Variants in TNIK observed in about 807,000 individuals in gnomAD.
TNIK encodes the protein TRAF2 and NCK-interacting protein kinase.
A neutral mutation model predicts 191.3 loss-of-function variants in TNIK; 49 were observed. The ratio of observed to expected loss-of-function variants is 0.26; its 90% CI spans 0.20 to 0.32. The LOEUF is 0.32. TNIK is among the 10% of genes least tolerant of loss of function. TNIK has a pLI of 1.00. For missense variants in TNIK, 1,155 were observed against 1,702.3 expected, an observed-to-expected ratio of 0.68 and a Z score of 5.66; for synonymous variants, 594 against 600.9, an observed-to-expected ratio of 0.99 and a Z score of 0.17.
intron 1 of TNIK, among the ~76,000 whole-genome samples, chr3:171,429,043 T>G (rs1725009491): frequency 1.3e-5 from 2 of 152,298 alleles, no homozygotes; most frequent in South Asian, 4.1e-4. Context: ...AGTACTGTAT[T>G]CCTATATTTA....
intron 1 of TNIK, 116 bp downstream of exon 1, chr3:171,459,891 C>T: frequency 1.5e-6 from 2 of 1,303,776 alleles, no homozygotes; most frequent in East Asian, 2.5e-5. Context: ...GGTTCCCTCC[C>T]CGACGCATTC....
In TNIK at chr3:171,062,964, G is replaced by A. The variant is rs1560058747; in HGVS notation, c.*917C>T. 1 of 152,164 alleles carries A rather than the reference G, an allele frequency of 6.6e-6. No individual in the cohort carries two copies. The highest frequency in any genetic ancestry group is 2.4e-5 in the African/African-American group (1 of 41,438). 9.4% of individuals were successfully genotyped at this position (152,164 alleles called of 1,614,324 possible). ...CTTTGTGCATTTTAAAAAAGACTATGTAAGCTTGTTTCCCAGAAGCTCTTT... is the reference window on the plus strand; with the variant it reads ...CTTTGTGCATTTTAAAAAAGACTATATAAGCTTGTTTCCCAGAAGCTCTTT... On this transcript the variant is annotated 3_prime_UTR_variant, in exon 33 of 33. Transcript: ENST00000436636.
chr3:171,206,909 T>G (rs1189320008), intron 4 of TNIK, among the ~76,000 whole-genome samples: 1 of 152,154 alleles, frequency 6.6e-6, no homozygotes, highest in African/African-American at 2.4e-5. Flanking sequence ...AACCAACTTT[T>G]CTATCTGGCC....
rs556791157 is a variant in TNIK at position 171,061,564 on chromosome 3, T to A, written c.*2317A>T. ...CCAAAATCCCACAATAAAAAAATCA[T>A]TTAAAGCTGTGTGTTTCAAACTTAT... On this transcript the variant is annotated 3_prime_UTR_variant, in exon 33 of 33. Transcript: ENST00000436636. 2 of 152,322 alleles carry A rather than the reference T, an allele frequency of 1.3e-5. No homozygotes were observed. Among genetic ancestry groups the A allele is most frequent in the South Asian group, 4.1e-4 (2 of 4,828 alleles). The allele number at this position is 152,322 out of a possible 1,614,324, so 9.4% of individuals were successfully genotyped here. A position where few individuals can be genotyped will look rare whatever the true frequency, so the allele number is the denominator to read the frequency against.
intron 3 of TNIK, among the ~76,000 whole-genome samples, chr3:171,218,787 C>A (rs1285139916): frequency 7.1e-6 from 1 of 140,656 alleles, no homozygotes; most frequent in South Asian, 2.2e-4. Flanking sequence ...ATATGCATAT[C>A]ATTTACATAT....
At chr3:171,129,667 A>C (rs1728982309) in intron 15 of TNIK, among the ~76,000 whole-genome samples, 1 of 151,732 alleles carries the variant, frequency 6.6e-6, no homozygotes, top group South Asian at 2.1e-4. Context: ...TTTCCTTGTC[A>C]TTCCCTTTCT....
chr3:171,416,339 G>A (rs981587791), intron 1 of TNIK, among the ~76,000 whole-genome samples: 3 of 151,972 alleles, frequency 2.0e-5, no homozygotes, highest in African/African-American at 7.3e-5. Flanking sequence ...TAATCATGAG[G>A]AAATCATCAC....
chr3:171,158,919 A>G (rs2108723601), intron 11 of TNIK, among the ~76,000 whole-genome samples: 1 of 152,218 alleles, frequency 6.6e-6, no homozygotes, highest in East Asian at 1.9e-4. Flanking sequence ...CTGAGAGGAA[A>G]ACAGGGGTGC....
At chr3:171,330,624 C>T (rs1253251377) in intron 2 of TNIK, among the ~76,000 whole-genome samples, 1 of 152,066 alleles carries the variant, frequency 6.6e-6, no homozygotes, top group African/African-American at 2.4e-5. Flanking sequence ...GGTATAGGGG[C>T]ATTTTATTGT....
chr3:171,369,532 C>A, intron 2 of TNIK, 88 bp downstream of exon 2: 2 of 944,868 alleles, frequency 2.1e-6, no homozygotes, highest in Non-Finnish European at 3.1e-6. Context: ...TGTTAGGAGC[C>A]ATTTATGAGC....
chr3:171,228,226 G>A lies in TNIK; in HGVS notation c.124-5C>T, dbSNP rs2108988409. The A allele has an allele frequency of 6.2e-7, 1 of 1,613,330 alleles. No individual in the cohort carries two copies. Among genetic ancestry groups the A allele is most frequent in the Non-Finnish European group, 8.5e-7 (1 of 1,179,504 alleles). ...GCCCGTTTTGACATGACGACCCTGT[G>A]AAGAAAAAATAATAACAAAAGATTT... is the stretch of plus-strand genomic sequence containing the variant. On this transcript the variant is annotated splice_polypyrimidine_tract_variant and splice_region_variant and intron_variant, in intron 2 of 32. Coordinates refer to ENST00000436636, the MANE Select transcript of TNIK (RefSeq NM_015028.4).
In TNIK at chr3:171,242,626, C is replaced by T. The variant is rs1745125318; in HGVS notation, c.124-14405G>A. Reference sequence around the variant, plus strand: ...ACATTAAGAAAATAAAATTGGCGCTCATATAAGCAAAATAACTGAATTGCT... The same window carrying T: ...ACATTAAGAAAATAAAATTGGCGCTTATATAAGCAAAATAACTGAATTGCT... On this transcript the variant is annotated intron_variant, in intron 2 of 32. Coordinates refer to ENST00000436636, the MANE Select transcript of TNIK (RefSeq NM_015028.4). Among the ~76,000 whole-genome samples the T allele has an allele frequency of 2.0e-5, 3 of 151,946 alleles. No individual in the cohort carries two copies. The South Asian group carries it at 6.2e-4, about 31-fold the overall frequency.
intron 2 of TNIK, among the ~76,000 whole-genome samples, chr3:171,337,844 G>T (rs1362881669): frequency 6.6e-6 from 1 of 152,148 alleles, no homozygotes; most frequent in Admixed American, 6.5e-5. Flanking sequence ...TTGCCCAGAG[G>T]GAGAACTACA....
chr3:171,181,969 G>A (rs918664710), intron 7 of TNIK, among the ~76,000 whole-genome samples: 1 of 152,114 alleles, frequency 6.6e-6, no homozygotes, highest in Non-Finnish European at 1.5e-5. Flanking sequence ...AAGCAAGAAG[G>A]TTTAGGGAAA....
At chr3:171,330,314 T>C (rs1469112150) in intron 2 of TNIK, among the ~76,000 whole-genome samples, 1 of 152,224 alleles carries the variant, frequency 6.6e-6, no homozygotes, top group East Asian at 1.9e-4. Flanking sequence ...GTAAAGGCCA[T>C]TGTCTTTTCT....
chr3:171,306,744 C>T (rs1326082345), intron 2 of TNIK, among the ~76,000 whole-genome samples: 1 of 151,730 alleles, frequency 6.6e-6, no homozygotes, highest in African/African-American at 2.4e-5. Context: ...CCACTAAAGC[C>T]CCAGGAAGCT....
intron 1 of TNIK, among the ~76,000 whole-genome samples, chr3:171,393,642 T>C (rs756708141): frequency 9.2e-5 from 14 of 152,158 alleles, no homozygotes; most frequent in Non-Finnish European, 1.5e-4. Context: ...TTCTCAAACC[T>C]TTTTTCTCCA....
At chr3:171,386,823 T>C (rs1325488792) in intron 1 of TNIK, among the ~76,000 whole-genome samples, 1 of 152,260 alleles carries the variant, frequency 6.6e-6, no homozygotes, top group African/African-American at 2.4e-5. Flanking sequence ...CAGTGTTCTC[T>C]GCTAAAGGTG....
chr3:171,301,645 T>A (rs1752896152), intron 2 of TNIK, among the ~76,000 whole-genome samples: 1 of 152,178 alleles, frequency 6.6e-6, no homozygotes, highest in African/African-American at 2.4e-5. Context: ...CTGCACTGCA[T>A]TATTAGATAA....
Sources: gnomAD v4.1 joint callset for allele counts (sites outside exome capture counted in the v4.1 genomes callset) on GRCh38, gnomAD v4.1.1 for gene constraint, MANE v1.5 for transcripts, NCBI Gene and HGNC (gene_info 2026-07-23, HGNC 2026-07-21) for gene names.